Variants in PRKG1 observed in about 807,000 individuals in gnomAD.
The protein encoded by PRKG1 is protein kinase cGMP-dependent 1.
Under a neutral mutation model 88.1 loss-of-function variants are expected in PRKG1, and 35 were observed. The observed-to-expected ratio is 0.40, with a 90% CI of 0.30 to 0.53. The LOEUF (loss-of-function observed/expected upper bound fraction) is 0.53, where lower values mean the gene tolerates loss of function less well. Ranked by LOEUF, PRKG1 falls within the 20% of genes least tolerant of loss-of-function variation. The pLI, the probability that PRKG1 is intolerant of heterozygous loss-of-function variation, is 0.59. For synonymous variants in PRKG1, 303 were observed against 292.5 expected (o/e 1.04, Z -0.37); for missense variants, 540 against 839.8 (o/e 0.64, Z 4.41).
intron 2 of PRKG1, among the ~76,000 whole-genome samples, chr10:51,354,045 A>C (rs959266532): frequency 1.3e-5 from 2 of 152,190 alleles, no homozygotes; most frequent in African/African-American, 4.8e-5. Context: ...AGCCAGGCAC[A>C]GAAAGATAAA....
At chr10:52,144,699 C>A (rs1159559231) in intron 8 of PRKG1, among the ~76,000 whole-genome samples, 2 of 146,430 alleles carry the variant, frequency 1.4e-5, no homozygotes, top group African/African-American at 2.5e-5. Flanking sequence ...CACCTGTAGT[C>A]CCAGCTACTT....
At chr10:52,060,046 T>TAGATA (rs1846201119) in intron 6 of PRKG1, among the ~76,000 whole-genome samples, 1 of 151,372 alleles carries the variant, frequency 6.6e-6, no homozygotes, top group South Asian at 2.1e-4. Flanking sequence ...TATTATAAGG[T>TAGATA]TCAGGTAATG....
intron 7 of PRKG1, among the ~76,000 whole-genome samples, chr10:52,104,030 G>GAT (rs1184114208): frequency 7.2e-4 from 105 of 146,250 alleles, no homozygotes; most frequent in African/African-American, 2.3e-3. Flanking sequence ...TATATAATGA[G>GAT]ATATATATAT....
At chr10:51,669,801 C>A (rs1840512549) in intron 3 of PRKG1, among the ~76,000 whole-genome samples, 1 of 152,160 alleles carries the variant, frequency 6.6e-6, no homozygotes, top group African/African-American at 2.4e-5. Flanking sequence ...TAGAATCTGA[C>A]TAGTTACCAT....
chr10:51,981,220 C>T (rs3104567), intron 5 of PRKG1, among the ~76,000 whole-genome samples: 48,244 of 151,998 alleles, frequency 0.32, 8,189 homozygotes, highest in Admixed American at 0.39. Context: ...TGAAAAGGAT[C>T]GTATTTCTCT....
intron 2 of PRKG1, among the ~76,000 whole-genome samples, chr10:51,406,641 G>C (rs1307367701): frequency 7.0e-6 from 1 of 143,624 alleles, no homozygotes; most frequent in Non-Finnish European, 1.5e-5. Flanking sequence ...TTTTTTTTAT[G>C]AGACCCTTCT....
At chr10:52,246,967 A>G (rs200160009) in intron 9 of PRKG1, among the ~76,000 whole-genome samples, 1,276 of 106,622 alleles carry the variant, frequency 0.012, 17 homozygotes, top group African/African-American at 0.032. Context: ...GAATCTTATA[A>G]TCAGACATAT....
chr10:51,730,886 T>C (rs1842255490), intron 3 of PRKG1, among the ~76,000 whole-genome samples: 1 of 152,228 alleles, frequency 6.6e-6, no homozygotes, highest in African/African-American at 2.4e-5. Flanking sequence ...CCGGGCGCAG[T>C]GGCTCATGCC....
chr10:51,639,830 C>T (rs1459117444), intron 3 of PRKG1, among the ~76,000 whole-genome samples: 4 of 151,974 alleles, frequency 2.6e-5, no homozygotes, highest in Non-Finnish European at 4.4e-5. Context: ...CTAATAAAAG[C>T]TTTGCCTTAT....
At chr10:52,077,921 A>T (rs933955893) in intron 7 of PRKG1, among the ~76,000 whole-genome samples, 2 of 152,110 alleles carry the variant, frequency 1.3e-5, no homozygotes, top group African/African-American at 4.8e-5. Flanking sequence ...GCAAGCAGGG[A>T]TAGGCAAAAG....
intron 2 of PRKG1, among the ~76,000 whole-genome samples, chr10:51,156,032 A>G (rs1025074944): frequency 6.6e-6 from 1 of 151,824 alleles, no homozygotes. Flanking sequence ...ACCATATTTA[A>G]TTTTCAAATA....
intron 2 of PRKG1, among the ~76,000 whole-genome samples, chr10:51,393,321 C>T (rs1429371702): frequency 2.0e-5 from 3 of 150,210 alleles, no homozygotes; most frequent in African/African-American, 7.4e-5. Context: ...GGAAGAGGCG[C>T]TCCTCACTTC....
chr10:51,701,585 A>G (rs1259000997), intron 3 of PRKG1, among the ~76,000 whole-genome samples: 1 of 152,222 alleles, frequency 6.6e-6, no homozygotes, highest in African/African-American at 2.4e-5. Flanking sequence ...GGGAGGGGTT[A>G]AGGATAGTAT....
At chr10:51,325,520 C>G (rs1225860536) in intron 2 of PRKG1, among the ~76,000 whole-genome samples, 1 of 152,120 alleles carries the variant, frequency 6.6e-6, no homozygotes, top group Non-Finnish European at 1.5e-5. Flanking sequence ...TCAGTGTATC[C>G]CTTGTCAGAT....
chr10:52,078,544 T>C (rs1846689450), intron 7 of PRKG1, among the ~76,000 whole-genome samples: 1 of 152,220 alleles, frequency 6.6e-6, no homozygotes, highest in African/African-American at 2.4e-5. Context: ...ATCATGTCCC[T>C]GTATGCACCT....
At chr10:51,627,239 G>A (rs533569409) in intron 3 of PRKG1, among the ~76,000 whole-genome samples, 1 of 152,216 alleles carries the variant, frequency 6.6e-6, no homozygotes, top group South Asian at 2.1e-4. Flanking sequence ...AACATGGTGG[G>A]TTTTAGAAAC....
chr10:51,070,761 G>T (rs1325693252), upstream of PRKG1, among the ~76,000 whole-genome samples: 2 of 152,140 alleles, frequency 1.3e-5, no homozygotes, highest in African/African-American at 4.8e-5. Context: ...TGAGGATTGG[G>T]TGCAAGACTA....
chr10:51,200,862 A>G (rs1002923488), intron 2 of PRKG1, among the ~76,000 whole-genome samples: 3 of 152,180 alleles, frequency 2.0e-5, no homozygotes, highest in African/African-American at 7.2e-5. Flanking sequence ...TTTATTAATC[A>G]TCGATCCACA....
intron 1 of PRKG1, among the ~76,000 whole-genome samples, chr10:51,059,498 G>C (rs932807474): frequency 1.3e-5 from 2 of 152,104 alleles, no homozygotes; most frequent in Admixed American, 6.5e-5. Flanking sequence ...CTGGGCTCAA[G>C]TGATCCTCCT....
Sources: gnomAD v4.1 joint callset for allele counts (sites outside exome capture counted in the v4.1 genomes callset) on GRCh38, gnomAD v4.1.1 for gene constraint, MANE v1.5 for transcripts, NCBI Gene and HGNC (gene_info 2026-07-23, HGNC 2026-07-21) for gene names.